Variants in CYP7B1 observed in about 807,000 individuals in gnomAD.
CYP7B1 encodes cytochrome P450 7B1.
A neutral mutation model predicts 42.7 loss-of-function variants in CYP7B1; 29 were observed. The observed-to-expected ratio is 0.68, with a 90% CI of 0.51 to 0.93. CYP7B1 has a LOEUF of 0.93. Among genes scored for constraint, CYP7B1 ranks in the 40% least tolerant of loss-of-function variants. CYP7B1 has a pLI of 0.00. For synonymous variants in CYP7B1, 235 were observed against 218.2 expected (o/e 1.08, Z -0.68); for missense variants, 655 against 600.5 (o/e 1.09, Z -0.95).
At chr8:64,597,360 G>A (rs1805134585) in intron 5 of CYP7B1, among the ~76,000 whole-genome samples, 1 of 152,152 alleles carries the variant, frequency 6.6e-6, no homozygotes. Flanking sequence ...CCTAACTGTG[G>A]ATTCCTAATT....
chr8:64,686,101 T>TGG (rs1563390873), intron 1 of CYP7B1, among the ~76,000 whole-genome samples: 4 of 72,294 alleles, frequency 5.5e-5, no homozygotes, highest in Admixed American at 1.4e-4. Flanking sequence ...GGGAGGGAGG[T>TGG]GGGGGGGTCA....
At chr8:64,588,246 C>A (rs1804994061), downstream of CYP7B1, among the ~76,000 whole-genome samples, 1 of 152,136 alleles carries the variant, frequency 6.6e-6, no homozygotes, top group Non-Finnish European at 1.5e-5. Flanking sequence ...AAATAGATTT[C>A]TAATGTGGAC....
intron 2 of CYP7B1, among the ~76,000 whole-genome samples, chr8:64,620,951 C>A (rs1449432845): frequency 6.6e-6 from 1 of 152,180 alleles, no homozygotes; most frequent in Non-Finnish European, 1.5e-5. Context: ...TCTGCCACAA[C>A]TTTCTGCATA....
intron 1 of CYP7B1, among the ~76,000 whole-genome samples, chr8:64,686,062 G>A (rs1806632840): frequency 8.1e-6 from 1 of 124,084 alleles, no homozygotes; most frequent in Non-Finnish European, 1.7e-5. Flanking sequence ...GGGGGGGTCA[G>A]CCCCCCCACC....
At chr8:64,640,649 G>C (rs1378572517) in intron 1 of CYP7B1, among the ~76,000 whole-genome samples, 1 of 152,096 alleles carries the variant, frequency 6.6e-6, no homozygotes, top group African/African-American at 2.4e-5. Flanking sequence ...CTAGCTCACT[G>C]TGTGCTTTAC....
intron 1 of CYP7B1, among the ~76,000 whole-genome samples, chr8:64,766,871 A>G (rs1009492266): frequency 2.0e-5 from 3 of 152,048 alleles, no homozygotes; most frequent in Non-Finnish European, 4.4e-5. Flanking sequence ...GACAGCCAGG[A>G]GGTAAACTGT....
chr8:64,715,136 T>C (rs923791954), intron 1 of CYP7B1, among the ~76,000 whole-genome samples: 3 of 152,238 alleles, frequency 2.0e-5, no homozygotes, highest in African/African-American at 7.2e-5. Flanking sequence ...AAGATTTGTG[T>C]TACACTTCAA....
At chr8:64,729,506 ATTGT>A (rs1807376482) in intron 1 of CYP7B1, among the ~76,000 whole-genome samples, 1 of 152,198 alleles carries the variant, frequency 6.6e-6, no homozygotes, top group Non-Finnish European at 1.5e-5. Flanking sequence ...GACCTTTAAA[ATTGT>A]TTGTCGAGGC....
At chr8:64,622,450 G>A (rs1194762887) in intron 2 of CYP7B1, among the ~76,000 whole-genome samples, 1 of 152,204 alleles carries the variant, frequency 6.6e-6, no homozygotes, top group Admixed American at 6.5e-5. Context: ...GAGTATTTCA[G>A]GAAGGAACAA....
Position 64,616,075 on chromosome 8 carries a change from T to C in CYP7B1, c.466A>G (p.Ser156Gly). The C allele has an allele frequency of 6.2e-7, 1 of 1,613,790 alleles. No homozygotes were observed. The highest frequency in any genetic ancestry group is 8.5e-7 in the Non-Finnish European group (1 of 1,179,844). ...ACTTGTTTTAGATTCTGCATCATGCTTTCCAAGAGTATGTCCAAAGATTTG... is the reference window on the plus strand; with the variant it reads ...ACTTGTTTTAGATTCTGCATCATGCCTTCCAAGAGTATGTCCAAAGATTTG... Reference protein sequence around the residue: ...QGKSLDILLESMMQNLKQVFE... With the variant: ...QGKSLDILLEGMMQNLKQVFE... The change falls in exon 3 of 6, where the codon AGC becomes GGC. Residue 156 changes from serine to glycine, a missense_variant. Transcript: ENST00000310193.
At chr8:64,621,985 A>G (rs1031814954) in intron 2 of CYP7B1, among the ~76,000 whole-genome samples, 1 of 150,406 alleles carries the variant, frequency 6.6e-6, no homozygotes, top group Non-Finnish European at 1.5e-5. Flanking sequence ...CTCGTGATCC[A>G]CCCGCCTCAG....
chr8:64,765,514 T>C (rs1160699226), intron 1 of CYP7B1, among the ~76,000 whole-genome samples: 5 of 152,142 alleles, frequency 3.3e-5, no homozygotes, highest in Non-Finnish European at 7.4e-5. Context: ...ACAAAGGCAA[T>C]GTTGGGCACA....
At chr8:64,633,871 A>G (rs2129630787) in intron 1 of CYP7B1, among the ~76,000 whole-genome samples, 1 of 152,350 alleles carries the variant, frequency 6.6e-6, no homozygotes, top group South Asian at 2.1e-4. Flanking sequence ...ACCATAAGAA[A>G]CAAGAGAGTG....
At chr8:64,747,885 T>C (rs1043898887) in intron 1 of CYP7B1, among the ~76,000 whole-genome samples, 3 of 151,954 alleles carry the variant, frequency 2.0e-5, no homozygotes, top group Non-Finnish European at 4.4e-5. Flanking sequence ...AAAGACAACA[T>C]AGAGCAGAAG....
chr8:64,784,770 C>T (rs770170894), intron 1 of CYP7B1, among the ~76,000 whole-genome samples: 8 of 151,938 alleles, frequency 5.3e-5, no homozygotes, highest in Non-Finnish European at 1.2e-4. Flanking sequence ...CAGTTGCTAA[C>T]AAGAAGATCA....
intron 1 of CYP7B1, among the ~76,000 whole-genome samples, chr8:64,708,936 T>G (rs1371850130): frequency 6.6e-6 from 1 of 152,188 alleles, no homozygotes; most frequent in African/African-American, 2.4e-5. Flanking sequence ...GATAACACCA[T>G]TAGTTCTCCC....
At chr8:64,617,945 A>G (rs1392872860) in intron 2 of CYP7B1, among the ~76,000 whole-genome samples, 5 of 149,814 alleles carry the variant, frequency 3.3e-5, no homozygotes, top group Non-Finnish European at 3.0e-5. Context: ...CTTAAATTTT[A>G]TTCACTCATT....
intron 1 of CYP7B1, among the ~76,000 whole-genome samples, chr8:64,761,661 G>C (rs1162606570): frequency 6.6e-6 from 1 of 152,086 alleles, no homozygotes; most frequent in African/African-American, 2.4e-5. Flanking sequence ...CACATTCTTT[G>C]GGTAGAAAAT....
At chr8:64,712,274 C>CTT (rs78409341) in intron 1 of CYP7B1, among the ~76,000 whole-genome samples, 17 of 144,580 alleles carry the variant, frequency 1.2e-4, no homozygotes, top group African/African-American at 2.8e-4. Flanking sequence ...ATCAGCAATC[C>CTT]TTTTTTTTTT....
Sources: allele counts gnomAD v4.1 joint callset (sites outside exome capture counted in the v4.1 genomes callset), GRCh38; gene constraint gnomAD v4.1.1; transcripts MANE v1.5; gene names NCBI Gene and HGNC (gene_info 2026-07-23, HGNC 2026-07-21).